The following FILIP1L variants were observed in gnomAD, a reference collection of about 807,000 sequenced individuals.
FILIP1L encodes filamin A-interacting protein 1-like.
In FILIP1L, 55 loss-of-function variants were observed where a neutral mutation model predicts 96.6. That is an observed-to-expected ratio of 0.57 (90% CI 0.46 to 0.71). The LOEUF (loss-of-function observed/expected upper bound fraction) is 0.71, where lower values mean the gene tolerates loss of function less well. Among genes scored for constraint, FILIP1L ranks in the 30% least tolerant of loss-of-function variants. FILIP1L has a pLI of 0.00. For synonymous variants in FILIP1L, 467 were observed against 473.9 expected, an observed-to-expected ratio of 0.99 and a Z score of 0.19; for missense variants, 1,304 against 1,321.2, an observed-to-expected ratio of 0.99 and a Z score of 0.20.
In FILIP1L at chr3:99,849,719, C is replaced by G; in HGVS notation, c.1957G>C (p.Glu653Gln). Residue 653 changes from glutamate (E) to glutamine (Q), a missense_variant, in exon 5 of 6, where the codon GAA (glutamate) becomes CAA (glutamine). Physicochemically the swap from Glu to Gln is conservative, Grantham distance 29. Coordinates refer to ENST00000477258, the MANE Select transcript of FILIP1L (RefSeq NM_001387850.1). ...CGTTCTAGAGTCTCATATTCATCTTCTGTTTTCATGAGGTCATCCTCAATG... is the reference window on the plus strand; with the variant it reads ...CGTTCTAGAGTCTCATATTCATCTTGTGTTTTCATGAGGTCATCCTCAATG... ...KAIEDDLMKT[E>Q]DEYETLERRY... 6.2e-7 allele frequency: 1 copy of G among 1,613,774 alleles called. No individual in the cohort carries two copies. Among genetic ancestry groups the G allele is most frequent in the Non-Finnish European group, 8.5e-7 (1 of 1,180,000 alleles).
intron 5 of FILIP1L, among the ~76,000 whole-genome samples, chr3:99,843,081 C>A (rs1249782287): frequency 6.6e-6 from 1 of 152,188 alleles, no homozygotes; most frequent in African/African-American, 2.4e-5. Context: ...GGTTTGAGAA[C>A]CTTAGTAAAC....
chr3:99,960,757 T>C (rs576819857), intron 1 of FILIP1L, among the ~76,000 whole-genome samples: 81 of 152,336 alleles, frequency 5.3e-4, no homozygotes, highest in African/African-American at 1.8e-3. Context: ...TAGTATTTTC[T>C]GTTATTGATT....
At chr3:100,054,475 A>ATGT (rs2065426848) in intron 1 of FILIP1L, among the ~76,000 whole-genome samples, 1 of 145,882 alleles carries the variant, frequency 6.9e-6, no homozygotes. Flanking sequence ...TTCGTTCATT[A>ATGT]TATTATGTTA....
At chr3:99,936,381 T>C (rs1008839180) in intron 1 of FILIP1L, among the ~76,000 whole-genome samples, 45 of 133,250 alleles carry the variant, frequency 3.4e-4, no homozygotes, top group African/African-American at 1.3e-3. Context: ...TTTTTTTTTT[T>C]TTTTTTTTTT....
chr3:99,983,430 A>G (rs1218105896), intron 1 of FILIP1L, among the ~76,000 whole-genome samples: 36 of 93,728 alleles, frequency 3.8e-4, no homozygotes, highest in African/African-American at 1.7e-3. Flanking sequence ...GTATGTATGT[A>G]TGTATATATA....
At chr3:99,883,473 C>T (rs74413799) in intron 4 of FILIP1L, among the ~76,000 whole-genome samples, 2,168 of 152,282 alleles carry the variant, frequency 0.014, 29 homozygotes, top group Non-Finnish European at 0.023. Flanking sequence ...ATTATTTCAG[C>T]ATTATCAGAG....
At chr3:99,873,778 G>C (rs1705363101) in intron 4 of FILIP1L, among the ~76,000 whole-genome samples, 1 of 152,130 alleles carries the variant, frequency 6.6e-6, no homozygotes, top group Admixed American at 6.5e-5. Flanking sequence ...GGCTTGATTT[G>C]TGTTTTCATA....
intron 1 of FILIP1L, among the ~76,000 whole-genome samples, chr3:99,996,969 A>G (rs1164886910): frequency 6.6e-6 from 1 of 152,208 alleles, no homozygotes; most frequent in Admixed American, 6.5e-5. Flanking sequence ...AAAACACAAC[A>G]TGCCTTAACC....
intron 1 of FILIP1L, among the ~76,000 whole-genome samples, chr3:99,963,094 G>A (rs1248038752): frequency 6.6e-6 from 1 of 152,210 alleles, no homozygotes; most frequent in Non-Finnish European, 1.5e-5. Flanking sequence ...GTCAAAGAGG[G>A]TTTAGCCTGC....
intron 1 of FILIP1L, chr3:100,075,554 C>G (rs2065836552): frequency 6.6e-6 from 1 of 150,684 alleles, no homozygotes; most frequent in Non-Finnish European, 1.5e-5. Flanking sequence ...TTTGTCTTCT[C>G]TTTTCTTTTT....
intron 4 of FILIP1L, among the ~76,000 whole-genome samples, chr3:99,860,460 T>TCTCA (rs1944189288): frequency 6.6e-6 from 1 of 152,046 alleles, no homozygotes; most frequent in Non-Finnish European, 1.5e-5. Flanking sequence ...TTGAGGCAAA[T>TCTCA]CTCACTCTTT....
chr3:100,023,956 C>T (rs2064872656), intron 1 of FILIP1L, among the ~76,000 whole-genome samples: 1 of 152,140 alleles, frequency 6.6e-6, no homozygotes, highest in Non-Finnish European at 1.5e-5. Context: ...TCTTTACTTC[C>T]TGGGAACTTA....
At chr3:99,835,675 A>T (rs1316034024) in intron 5 of FILIP1L, among the ~76,000 whole-genome samples, 1 of 152,220 alleles carries the variant, frequency 6.6e-6, no homozygotes, top group African/African-American at 2.4e-5. Context: ...CATTTTAAGA[A>T]ACATTGATAT....
At chr3:100,079,776 C>G (rs1220811157) in intron 1 of FILIP1L, among the ~76,000 whole-genome samples, 1 of 151,638 alleles carries the variant, frequency 6.6e-6, no homozygotes, top group Non-Finnish European at 1.5e-5. Context: ...GAGTTACTAC[C>G]GTTTTACAAT....
At chr3:99,971,297 G>A (rs924201478) in intron 1 of FILIP1L, among the ~76,000 whole-genome samples, 5 of 146,710 alleles carry the variant, frequency 3.4e-5, no homozygotes, top group Non-Finnish European at 5.9e-5. Flanking sequence ...CCAAGATCGT[G>A]CCACTGCCCA....
At chr3:99,968,968 GAAA>G (rs11414872) in intron 1 of FILIP1L, among the ~76,000 whole-genome samples, 1 of 151,336 alleles carries the variant, frequency 6.6e-6, no homozygotes, top group Non-Finnish European at 1.5e-5. Flanking sequence ...GAAGCAAAAA[GAAA>G]AAAAAATTCA....
chr3:99,882,563 T>G (rs1436627630), intron 4 of FILIP1L, among the ~76,000 whole-genome samples: 8 of 152,224 alleles, frequency 5.3e-5, no homozygotes, highest in Non-Finnish European at 1.2e-4. Flanking sequence ...ACATCTGATC[T>G]TCTTATTGCC....
rs142041440 is a variant in FILIP1L at position 99,923,773 on chromosome 3, G to C, written c.605+457C>G. Among the ~76,000 whole-genome samples the C allele has an allele frequency of 4.6e-3, 695 of 152,286 alleles. 2 individuals are homozygous for C. The highest frequency in any genetic ancestry group is 7.0e-3 in the South Asian group (34 of 4,824). On this transcript the variant is annotated intron_variant, in intron 4 of 5. Transcript: ENST00000477258. Reference sequence around the variant, plus strand: ...TTCCATTTGCTCCTTCAGGCCAACAGTATAAAGTCCAGCTGCTCAAGGCAA... The same window carrying C: ...TTCCATTTGCTCCTTCAGGCCAACACTATAAAGTCCAGCTGCTCAAGGCAA...
At position 99,852,696 on chromosome 3, in the gene FILIP1L, G is replaced by A. The variant is rs1029011576; in HGVS notation, c.606-1626C>T. On this transcript the variant is annotated intron_variant, in intron 4 of 5. Transcript: ENST00000477258. ...CCTGACCTTGTGATCCACCTGCCTC[G>A]GCCTCCCAAAGTGCTGAGATAACAG... is the stretch of plus-strand genomic sequence containing the variant. Among the ~76,000 whole-genome samples the A allele has an allele frequency of 3.8e-4, 58 of 152,098 alleles. 1 individual carries two copies. Among genetic ancestry groups the A allele is most frequent in the African/African-American group, 1.4e-3 (57 of 41,502 alleles).
Sources: allele counts gnomAD v4.1 joint callset (sites outside exome capture counted in the v4.1 genomes callset), GRCh38; gene constraint gnomAD v4.1.1; transcripts MANE v1.5; gene names NCBI Gene and HGNC (gene_info 2026-07-23, HGNC 2026-07-21).